VIPR2: variants seen among roughly 807,000 people sequenced by gnomAD.
VIPR2 encodes vasoactive intestinal peptide receptor 2.
Under a neutral mutation model 58.0 loss-of-function variants are expected in VIPR2, and 48 were observed. The ratio of observed to expected loss-of-function variants is 0.83; its 90% CI spans 0.66 to 1.05. VIPR2 has a LOEUF of 1.05. VIPR2 is among the 50% of genes least tolerant of loss of function. The pLI is 0.00. For missense variants in VIPR2, 534 were observed against 558.0 expected, an observed-to-expected ratio of 0.96 and a Z score of 0.43; for synonymous variants, 243 against 235.2, an observed-to-expected ratio of 1.03 and a Z score of -0.30.
At chr7:159,141,869 G>T (rs998059541) in intron 2 of VIPR2, among the ~76,000 whole-genome samples, 2 of 152,200 alleles carry the variant, frequency 1.3e-5, no homozygotes, top group African/African-American at 4.8e-5. Flanking sequence ...TTTATAGGCC[G>T]GGTGCTATCC....
chr7:159,144,054 A>T (rs1797586501), intron 1 of VIPR2, among the ~76,000 whole-genome samples: 3 of 152,226 alleles, frequency 2.0e-5, no homozygotes, highest in African/African-American at 7.2e-5. Flanking sequence ...AACCGCGCGC[A>T]CCGCAAACCC....
intron 5 of VIPR2, among the ~76,000 whole-genome samples, chr7:159,049,787 T>A (rs1854877143): frequency 6.6e-6 from 1 of 152,084 alleles, no homozygotes; most frequent in African/African-American, 2.4e-5. Flanking sequence ...GTTCCCTTCA[T>A]GGGGGAGTCC....
At chr7:159,038,927 TAC>T (rs1486262539) in intron 6 of VIPR2, among the ~76,000 whole-genome samples, 4 of 152,216 alleles carry the variant, frequency 2.6e-5, no homozygotes, top group African/African-American at 4.8e-5. Context: ...ACGCCAATAT[TAC>T]AGATGAATGC....
chr7:159,057,124 A>C (rs554007627), intron 5 of VIPR2, among the ~76,000 whole-genome samples: 2 of 152,142 alleles, frequency 1.3e-5, no homozygotes, highest in African/African-American at 4.8e-5. Flanking sequence ...AAAAATAGGG[A>C]TTGTTCAATA....
At chr7:159,133,322 G>T (rs375285349) in intron 2 of VIPR2, among the ~76,000 whole-genome samples, 1 of 138,378 alleles carries the variant, frequency 7.2e-6, no homozygotes, top group South Asian at 2.2e-4. Flanking sequence ...AGCTGACCCC[G>T]GACAACAGGC....
chr7:159,044,069 G>A (rs1205850422), intron 5 of VIPR2, among the ~76,000 whole-genome samples: 3 of 152,232 alleles, frequency 2.0e-5, no homozygotes, highest in Non-Finnish European at 4.4e-5. Flanking sequence ...GGCAGCGAGA[G>A]CTAAGGCAGA....
At chr7:159,130,278 G>T (rs915281195) in intron 2 of VIPR2, among the ~76,000 whole-genome samples, 2 of 152,140 alleles carry the variant, frequency 1.3e-5, no homozygotes, top group Admixed American at 6.5e-5. Flanking sequence ...AGCCATCTTT[G>T]TAAAGCTAAT....
intron 6 of VIPR2, among the ~76,000 whole-genome samples, chr7:159,039,961 G>A (rs1854220313): frequency 6.6e-6 from 1 of 152,248 alleles, no homozygotes; most frequent in Admixed American, 6.5e-5. Flanking sequence ...TGTGCCGCCT[G>A]AAAGCAGGCG....
Position 159,097,474 on chromosome 7 carries a change from C to T in VIPR2, c.357+6283G>A, listed in dbSNP as rs559043659. Among the ~76,000 whole-genome samples, 1 of 152,118 alleles carries T rather than the reference C, an allele frequency of 6.6e-6. No homozygotes were observed. Among genetic ancestry groups the T allele is most frequent in the Non-Finnish European group, 1.5e-5 (1 of 68,014 alleles). ...GCTGAGGCCATTCCCGGGAACGCCA[C>T]ACTCCGCCCTGGCCACCTCCACCAC... On this transcript the variant is annotated intron_variant, in intron 4 of 12. Coordinates refer to ENST00000262178, the MANE Select transcript of VIPR2 (RefSeq NM_003382.5). This position sits in a 1 kb window ranked among gnomAD's most constrained non-coding sequence, Gnocchi z 5.3.
chr7:159,124,549 C>T lies in VIPR2; in HGVS notation c.152-14630G>A, dbSNP rs150935992. Among the ~76,000 whole-genome samples the T allele has an allele frequency of 5.3e-5, 8 of 152,158 alleles. No individual in the cohort carries two copies. In the East Asian group the frequency reaches 1.2e-3, roughly 22 times the overall value. On this transcript the variant is annotated intron_variant, in intron 2 of 12. Transcript: ENST00000262178. ...CATGCTGTTCTGGTTATGGTAGCCC[C>T]GTAGTATTGTTTCAGGTACGGTAAT...
At chr7:159,132,477 G>A (rs1315917660) in intron 2 of VIPR2, among the ~76,000 whole-genome samples, 3 of 152,050 alleles carry the variant, frequency 2.0e-5, no homozygotes, top group Non-Finnish European at 4.4e-5. Context: ...GGAGGCCTCA[G>A]GTAAGAAAAA....
chr7:159,079,374 G>T (rs1460059436), intron 4 of VIPR2, among the ~76,000 whole-genome samples: 1 of 151,944 alleles, frequency 6.6e-6, no homozygotes, highest in Non-Finnish European at 1.5e-5. Flanking sequence ...ATGACTACTG[G>T]GTACATAACG....
At chr7:159,123,775 A>G (rs6459926) in intron 2 of VIPR2, among the ~76,000 whole-genome samples, 2,379 of 152,264 alleles carry the variant, frequency 0.016, 59 homozygotes, top group African/African-American at 0.053. Flanking sequence ...CCAACAGTGT[A>G]TATGTATTCC....
Position 159,093,408 on chromosome 7 carries a change from G to T in VIPR2, c.357+10349C>A, listed in dbSNP as rs1036110303. The stretch of plus-strand genomic sequence containing the variant: ...GTCAGGGCAGGCACCGCGGCTCCAC[G>T]CTTACTTTCGAGGGTGCTGGCGGGT... On this transcript the variant is annotated intron_variant, in intron 4 of 12. Coordinates refer to ENST00000262178, the MANE Select transcript of VIPR2 (RefSeq NM_003382.5). This position sits in a 1 kb window ranked among gnomAD's most constrained non-coding sequence, Gnocchi z 6.7. 6.6e-6 allele frequency among the ~76,000 whole-genome samples: 1 copy of T among 152,188 alleles called. No individual in the cohort carries two copies. Among genetic ancestry groups the T allele is most frequent in the Non-Finnish European group, 1.5e-5 (1 of 68,038 alleles).
chr7:159,119,215 G>C (rs1281888947), intron 2 of VIPR2, among the ~76,000 whole-genome samples: 1 of 152,146 alleles, frequency 6.6e-6, no homozygotes, highest in Non-Finnish European at 1.5e-5. Context: ...AGGAAGGATG[G>C]GGCCCAGGCA....
intron 5 of VIPR2, among the ~76,000 whole-genome samples, chr7:159,050,452 A>G (rs1264547917): frequency 6.6e-6 from 1 of 151,888 alleles, no homozygotes; most frequent in Non-Finnish European, 1.5e-5. Context: ...ATTTAAGAAA[A>G]CAGATAAAGA....
chr7:159,087,668 C>T lies in VIPR2; in HGVS notation c.357+16089G>A, dbSNP rs1375310855. On this transcript the variant is annotated intron_variant, in intron 4 of 12. Transcript: ENST00000262178. ...GGACTCTGATAGTGAGATACAGCTTCCCCAACAAACAATACACAGGATCCT... is the reference window on the plus strand; with the variant it reads ...GGACTCTGATAGTGAGATACAGCTTTCCCAACAAACAATACACAGGATCCT... 3.2e-5 allele frequency among the ~76,000 whole-genome samples: 4 copies of T among 123,254 alleles called. 1 individual carries two copies. The highest frequency in any genetic ancestry group is 3.2e-4 in the Admixed American group (4 of 12,630). The allele number at this position is 123,254 out of a possible 152,430, so 80.9% of individuals were successfully genotyped here. A position where few individuals can be genotyped will look rare whatever the true frequency, so the allele number is the denominator to read the frequency against.
chr7:159,059,609 C>G (rs1855516338), intron 4 of VIPR2, among the ~76,000 whole-genome samples: 1 of 152,148 alleles, frequency 6.6e-6, no homozygotes, highest in Non-Finnish European at 1.5e-5. Flanking sequence ...GGAACCTCGG[C>G]CCTGCTTACT....
chr7:159,071,624 C>A (rs1398968750), intron 4 of VIPR2, among the ~76,000 whole-genome samples: 1 of 152,232 alleles, frequency 6.6e-6, no homozygotes, highest in Non-Finnish European at 1.5e-5. Context: ...ATCAGAAAGA[C>A]TGTTCACAGG....
Sources: gnomAD v4.1 joint callset for allele counts (sites outside exome capture counted in the v4.1 genomes callset) on GRCh38, gnomAD v4.1.1 for gene constraint, Gnocchi (gnomAD v3.1) non-coding constraint, MANE v1.5 for transcripts, NCBI Gene and HGNC (gene_info 2026-07-23, HGNC 2026-07-21) for gene names.